Variants in DLGAP2 observed in about 807,000 individuals in gnomAD.
DLGAP2 encodes the protein DLG associated protein 2.
A neutral mutation model predicts 100.3 loss-of-function variants in DLGAP2; 26 were observed. That is an observed-to-expected ratio of 0.26 (90% CI 0.19 to 0.36). The LOEUF is 0.36. Ranked by LOEUF, DLGAP2 falls within the 10% of genes least tolerant of loss-of-function variation. DLGAP2 has a pLI of 1.00. For missense variants in DLGAP2, 1,858 were observed against 1,453.2 expected, an observed-to-expected ratio of 1.28 and a Z score of -4.53; for synonymous variants, 886 against 630.1, an observed-to-expected ratio of 1.41 and a Z score of -6.08.
intron 14 of DLGAP2, among the ~76,000 whole-genome samples, chr8:1,697,750 A>T (rs964678921): frequency 2.6e-5 from 4 of 152,212 alleles, no homozygotes; most frequent in African/African-American, 9.7e-5. Context: ...TAGTATGGCC[A>T]CTATAGGCAA....
chr8:1,553,883 A>G (rs1264346093), intron 5 of DLGAP2, among the ~76,000 whole-genome samples: 2 of 152,322 alleles, frequency 1.3e-5, no homozygotes, highest in East Asian at 1.9e-4. Context: ...TAAAAGTCCC[A>G]TCTCCCAGGT....
chr8:745,105 C>T (rs1192548061), intron 1 of DLGAP2, among the ~76,000 whole-genome samples: 14 of 152,212 alleles, frequency 9.2e-5, no homozygotes, highest in East Asian at 3.8e-4. Flanking sequence ...CCGCTGCTTC[C>T]GAGTTGTGGG....
chr8:1,412,244 C>G (rs1796752099), intron 3 of DLGAP2, among the ~76,000 whole-genome samples: 1 of 152,218 alleles, frequency 6.6e-6, no homozygotes, highest in Non-Finnish European at 1.5e-5. Context: ...CCGCCAGCCT[C>G]CTGCTCTGAG....
At chr8:757,262 C>A (rs756976938) in intron 1 of DLGAP2, among the ~76,000 whole-genome samples, 7 of 152,202 alleles carry the variant, frequency 4.6e-5, no homozygotes, top group African/African-American at 7.2e-5. Context: ...AGTGAGTTAT[C>A]CACTTTACAT....
intron 2 of DLGAP2, among the ~76,000 whole-genome samples, chr8:923,476 A>G (rs1798755142): frequency 6.6e-6 from 1 of 152,232 alleles, no homozygotes; most frequent in Non-Finnish European, 1.5e-5. Context: ...GGAGCTGGAG[A>G]TGCCAATATG....
At position 1,351,884 on chromosome 8, in the gene DLGAP2, G is replaced by A. The variant is rs540147281; in HGVS notation, c.106+93001G>A. ...GGCCGTGCAGGTCCTGACTGTGTTT[G>A]GAAAGGCCGTGCGGGTCCTGACTGT... is the stretch of plus-strand genomic sequence containing the variant. On this transcript the variant is annotated intron_variant, in intron 3 of 14. Transcript: ENST00000637795. 2.1e-5 allele frequency among the ~76,000 whole-genome samples: 2 copies of A among 95,880 alleles called. 1 individual carries two copies. The highest frequency in any genetic ancestry group is 2.3e-4 in the Admixed American group (2 of 8,806). 62.9% of individuals were successfully genotyped at this position (95,880 alleles called of 152,430 possible). A position where few individuals can be genotyped will look rare whatever the true frequency, so the allele number is the denominator to read the frequency against.
At chr8:943,490 C>T (rs907621693) in intron 2 of DLGAP2, among the ~76,000 whole-genome samples, 19 of 152,340 alleles carry the variant, frequency 1.2e-4, no homozygotes, top group Admixed American at 3.3e-4. Flanking sequence ...GCGGCCATCC[C>T]GCCACAAGCA....
intron 13 of DLGAP2, among the ~76,000 whole-genome samples, chr8:1,696,477 G>A (rs1417743734): frequency 5.9e-5 from 9 of 152,134 alleles, no homozygotes; most frequent in Admixed American, 4.6e-4. Flanking sequence ...CAGCCTGGGC[G>A]ACAGAGAAAG....
At chr8:1,523,441 C>G (rs1303604868) in intron 4 of DLGAP2, among the ~76,000 whole-genome samples, 1 of 152,230 alleles carries the variant, frequency 6.6e-6, no homozygotes, top group Non-Finnish European at 1.5e-5. Context: ...GCCATGCCCC[C>G]ACGCAGACAC....
At chr8:1,521,159 G>C (rs1408883590) in intron 4 of DLGAP2, among the ~76,000 whole-genome samples, 1 of 146,568 alleles carries the variant, frequency 6.8e-6, no homozygotes, top group East Asian at 2.0e-4. Context: ...TTGGGCGGCA[G>C]GTGATATGGG....
At chr8:941,753 A>G (rs1024856295) in intron 2 of DLGAP2, among the ~76,000 whole-genome samples, 2 of 152,156 alleles carry the variant, frequency 1.3e-5, no homozygotes, top group Non-Finnish European at 2.9e-5. Flanking sequence ...CATTTAGGAA[A>G]TTGCAAGCAT....
intron 6 of DLGAP2, among the ~76,000 whole-genome samples, chr8:1,589,550 G>A (rs116871295): frequency 0.029 from 4,369 of 152,184 alleles, 87 homozygotes; most frequent in Non-Finnish European, 0.047. Context: ...TCCTCTCACC[G>A]CAGCCTCCCC....
At position 744,421 on chromosome 8, in the gene DLGAP2, G is replaced by A. The variant is rs1396968446; in HGVS notation, c.18+6596G>A. Among the ~76,000 whole-genome samples, 71 of 152,232 alleles carry A rather than the reference G, an allele frequency of 4.7e-4. 1 individual carries two copies. The highest frequency in any genetic ancestry group is 1.0e-4 in the Non-Finnish European group (7 of 68,042). ...AATGATCTGAATGGGTGAAGGTGCA[G>A]AAGAGGGGCTGACGCCTCCTCGAGG... is the stretch of plus-strand genomic sequence containing the variant. On this transcript the variant is annotated intron_variant, in intron 1 of 14. Transcript: ENST00000637795.
At chr8:1,677,438 C>G (rs114506871) in intron 11 of DLGAP2, among the ~76,000 whole-genome samples, 1 of 152,184 alleles carries the variant, frequency 6.6e-6, no homozygotes, top group Non-Finnish European at 1.5e-5. Flanking sequence ...TAACCAGCTG[C>G]ATGCACAGCT....
chr8:1,138,397 C>T (rs1315389609), intron 2 of DLGAP2, among the ~76,000 whole-genome samples: 1 of 152,246 alleles, frequency 6.6e-6, no homozygotes, highest in Non-Finnish European at 1.5e-5. Context: ...AGGGATTTCT[C>T]CACAGATCTG....
intron 3 of DLGAP2, among the ~76,000 whole-genome samples, chr8:1,331,459 G>C (rs544383869): frequency 6.6e-6 from 1 of 152,248 alleles, no homozygotes; most frequent in East Asian, 1.9e-4. Context: ...CACCATGCCG[G>C]GCAAACAACA....
At chr8:842,845 C>T (rs896233924) in intron 1 of DLGAP2, among the ~76,000 whole-genome samples, 1 of 152,074 alleles carries the variant, frequency 6.6e-6, no homozygotes, top group Non-Finnish European at 1.5e-5. Flanking sequence ...TATTTCTAAA[C>T]GTTTTTCCCT....
chr8:844,956 T>C (rs964474799), intron 1 of DLGAP2, among the ~76,000 whole-genome samples: 1 of 152,250 alleles, frequency 6.6e-6, no homozygotes, highest in African/African-American at 2.4e-5. Context: ...GACTGACTTC[T>C]TTCACTTAGC....
chr8:980,715 C>T (rs948809996), intron 2 of DLGAP2, among the ~76,000 whole-genome samples: 2 of 152,088 alleles, frequency 1.3e-5, no homozygotes, highest in Non-Finnish European at 2.9e-5. Context: ...AAGCTGGGTT[C>T]CGGGAGGACA....
Sources: allele counts gnomAD v4.1 joint callset (sites outside exome capture counted in the v4.1 genomes callset), GRCh38; gene constraint gnomAD v4.1.1; transcripts MANE v1.5; gene names NCBI Gene and HGNC (gene_info 2026-07-23, HGNC 2026-07-21).